Variants in KMT2E observed in about 807,000 individuals in gnomAD.
The protein encoded by KMT2E is lysine methyltransferase 2E (inactive).
A neutral mutation model predicts 184.6 loss-of-function variants in KMT2E; 30 were observed. The ratio of observed to expected loss-of-function variants is 0.16; its 90% CI spans 0.12 to 0.22. The LOEUF is 0.22. Ranked by LOEUF, KMT2E falls within the 10% of genes least tolerant of loss-of-function variation. The pLI, the probability that KMT2E is intolerant of heterozygous loss-of-function variation, is 1.00. For missense variants in KMT2E, 2,023 were observed against 2,237.4 expected, an observed-to-expected ratio of 0.90 and a Z score of 1.93; for synonymous variants, 815 against 776.5, an observed-to-expected ratio of 1.05 and a Z score of -0.82.
intron 1 of KMT2E, among the ~76,000 whole-genome samples, chr7:105,023,199 C>A (rs1032271657): frequency 2.0e-5 from 3 of 151,672 alleles, no homozygotes; most frequent in African/African-American, 4.8e-5. Flanking sequence ...TTTGATACTC[C>A]CCTTTCTCCA....
intron 1 of KMT2E, among the ~76,000 whole-genome samples, chr7:105,032,991 G>A (rs1185106688): frequency 6.6e-6 from 1 of 152,190 alleles, no homozygotes; most frequent in Non-Finnish European, 1.5e-5. Context: ...TCTTCAGGAA[G>A]CCATAGGTGA....
At chr7:105,069,483 A>T (rs1330086210) in intron 6 of KMT2E, among the ~76,000 whole-genome samples, 2 of 152,164 alleles carry the variant, frequency 1.3e-5, no homozygotes, top group African/African-American at 4.8e-5. Flanking sequence ...CTTTCCCCCC[A>T]TAGGGCATAG....
chr7:105,029,686 A>C, intron 1 of KMT2E, among the ~76,000 whole-genome samples: 1 of 152,212 alleles, frequency 6.6e-6, no homozygotes, highest in East Asian at 1.9e-4. Flanking sequence ...CGATACTGAT[A>C]AAAAATAGAA....
At chr7:105,077,258 A>G in intron 10 of KMT2E, 45 bp from the exon 11 acceptor site, 1 of 1,602,194 alleles carries the variant, frequency 6.2e-7, no homozygotes, top group Non-Finnish European at 8.5e-7. Context: ...AGTTAAACTG[A>G]AAACAAGCAA....
At chr7:105,032,055 A>G (rs1795443836) in intron 1 of KMT2E, among the ~76,000 whole-genome samples, 1 of 141,210 alleles carries the variant, frequency 7.1e-6, no homozygotes, top group Admixed American at 7.4e-5. Flanking sequence ...CCTGGGCGAC[A>G]TAGCAAGACT....
intron 1 of KMT2E, among the ~76,000 whole-genome samples, chr7:105,024,588 A>G: frequency 6.6e-6 from 1 of 152,180 alleles, no homozygotes; most frequent in Non-Finnish European, 1.5e-5. Flanking sequence ...TTTTTAGAGT[A>G]GGGCCTTGAA....
At chr7:105,071,552 GTGTA>G (rs1176824442) in intron 6 of KMT2E, among the ~76,000 whole-genome samples, 1 of 127,392 alleles carries the variant, frequency 7.8e-6, no homozygotes, top group Non-Finnish European at 1.6e-5. Context: ...GTATGTGTGT[GTGTA>G]TGTATGTATG....
At chr7:105,021,110 G>C (rs1041147156) in intron 1 of KMT2E, among the ~76,000 whole-genome samples, 3 of 152,200 alleles carry the variant, frequency 2.0e-5, no homozygotes, top group Non-Finnish European at 2.9e-5. Context: ...TTAATGAAGT[G>C]GCTGAGATGG....
intron 3 of KMT2E, 109 bp downstream of exon 3, chr7:105,041,132 C>T (rs951371433): frequency 1.9e-5 from 11 of 572,646 alleles, no homozygotes; most frequent in Admixed American, 6.6e-5. Context: ...CTTTCCTAGC[C>T]ATTTTTTAAA....
intron 6 of KMT2E, among the ~76,000 whole-genome samples, chr7:105,071,368 T>C (rs972171035): frequency 6.6e-6 from 1 of 151,164 alleles, no homozygotes. Context: ...GTTGTTGTTT[T>C]TTGTTTTTGT....
intron 12 of KMT2E, among the ~76,000 whole-genome samples, chr7:105,080,959 C>T (rs1797740636): frequency 6.6e-6 from 1 of 152,080 alleles, no homozygotes; most frequent in Non-Finnish European, 1.5e-5. Context: ...GCCAAGATTG[C>T]ATCATTGCAC....
chr7:105,027,660 C>T (rs1351222074), intron 1 of KMT2E, among the ~76,000 whole-genome samples: 2 of 152,138 alleles, frequency 1.3e-5, no homozygotes, highest in Admixed American at 6.5e-5. Context: ...TTATACTAGT[C>T]TTCCCATTTC....
rs373086431 is a variant in KMT2E at position 105,107,218 on chromosome 7, A to G, written c.2900A>G (p.Gln967Arg). The change falls in exon 21 of 27, where the codon CAA becomes CGA. Residue 967 changes from glutamine to arginine, a missense_variant. By Grantham distance (43) the Gln-to-Arg change is conservative. Coordinates refer to ENST00000311117, the MANE Select transcript of KMT2E (RefSeq NM_182931.3). ...SPEIKRRTYS[Q>R]EGYDRSSTML... ...GAAATAAAGAGACGCACTTATAGTC[A>G]AGAGGTAAGAAGTTAACTTAAAAAG... 2 of 1,554,352 alleles carry G rather than the reference A, an allele frequency of 1.3e-6. No homozygotes were observed. The highest frequency in any genetic ancestry group is 1.7e-6 in the Non-Finnish European group (2 of 1,144,242).
intron 20 of KMT2E, 148 bp downstream of exon 20, chr7:105,106,920 A>G: frequency 4.8e-6 from 4 of 827,758 alleles, no homozygotes; most frequent in South Asian, 1.9e-5. Context: ...ATTCATTTAT[A>G]TGAATTTAGA....
intron 3 of KMT2E, among the ~76,000 whole-genome samples, chr7:105,042,078 A>G (rs1034434052): frequency 6.6e-6 from 1 of 151,964 alleles, no homozygotes; most frequent in African/African-American, 2.4e-5. Context: ...GCTCACTGCA[A>G]CCTCCAGGCT....
At chr7:105,106,240 C>T (rs1200499610) in intron 19 of KMT2E, among the ~76,000 whole-genome samples, 2 of 152,164 alleles carry the variant, frequency 1.3e-5, no homozygotes, top group Non-Finnish European at 2.9e-5. Context: ...TTCAGACAGA[C>T]AAGGACTCTT....
intron 8 of KMT2E, 138 bp from the exon 9 acceptor site, chr7:105,075,904 CT>C: frequency 1.5e-6 from 1 of 655,676 alleles, no homozygotes; most frequent in Admixed American, 2.8e-5. Context: ...ATTAAACATT[CT>C]CCTAGTGTCA....
chr7:105,076,568 G>C (rs1173773721), intron 9 of KMT2E, among the ~76,000 whole-genome samples: 1 of 152,206 alleles, frequency 6.6e-6, no homozygotes, highest in Admixed American at 6.5e-5. Flanking sequence ...ATTAATGTAT[G>C]TCCTCACTTT....
intron 15 of KMT2E, among the ~76,000 whole-genome samples, chr7:105,098,549 G>A (rs1798519810): frequency 2.0e-5 from 3 of 152,122 alleles, no homozygotes; most frequent in African/African-American, 7.2e-5. Flanking sequence ...GGGACTACAG[G>A]CGCGTGCCAC....
Sources: gnomAD v4.1 joint callset for allele counts (sites outside exome capture counted in the v4.1 genomes callset) on GRCh38, gnomAD v4.1.1 for gene constraint, MANE v1.5 for transcripts, NCBI Gene and HGNC (gene_info 2026-07-23, HGNC 2026-07-21) for gene names.